The following TNRC18 variants were observed in gnomAD, a reference collection of about 807,000 sequenced individuals.
TNRC18 encodes the protein trinucleotide repeat containing 18.
A neutral mutation model predicts 226.7 loss-of-function variants in TNRC18; 69 were observed. That is an observed-to-expected ratio of 0.30 (90% CI 0.25 to 0.37). The LOEUF (loss-of-function observed/expected upper bound fraction) is 0.37. Among genes scored for constraint, TNRC18 ranks in the 10% least tolerant of loss-of-function variants. The pLI, the probability that TNRC18 is intolerant of heterozygous loss-of-function variation, is 1.00. For missense variants in TNRC18, 4,754 were observed against 4,256.6 expected, an observed-to-expected ratio of 1.12 and a Z score of -3.25; for synonymous variants, 2,449 against 1,927.6, an observed-to-expected ratio of 1.27 and a Z score of -7.09.
intron 2 of TNRC18, among the ~76,000 whole-genome samples, chr7:5,402,837 G>A (rs549847495): frequency 5.3e-5 from 8 of 150,984 alleles, no homozygotes; most frequent in South Asian, 2.1e-4. Context: ...CTCGGCGACA[G>A]AGTGAGACTC....
intron 24 of TNRC18, chr7:5,320,015 A>C (rs1788188869): frequency 2.9e-6 from 1 of 342,598 alleles, no homozygotes; most frequent in Non-Finnish European, 5.7e-6. Context: ...CTTGTGTGGG[A>C]AAACCGAGAC....
intron 16 of TNRC18, among the ~76,000 whole-genome samples, chr7:5,352,597 G>A (rs1446454142): frequency 6.6e-6 from 1 of 152,246 alleles, no homozygotes; most frequent in South Asian, 2.1e-4. Flanking sequence ...CACAGTAAGG[G>A]TGTTTACACC....
intron 11 of TNRC18, among the ~76,000 whole-genome samples, chr7:5,364,461 AAAC>A (rs1236452541): frequency 0.016 from 1,999 of 124,950 alleles, 39 homozygotes; most frequent in African/African-American, 0.03. Flanking sequence ...GTCTCAAAGA[AAAC>A]ACACACACAC....
chr7:5,378,952 G>A (rs1443026924), intron 5 of TNRC18, among the ~76,000 whole-genome samples: 1 of 151,678 alleles, frequency 6.6e-6, no homozygotes, highest in East Asian at 1.9e-4. Flanking sequence ...TGGGAGGCCG[G>A]GTGGGGGGGG....
chr7:5,316,441 G>A (rs1358673228), intron 24 of TNRC18, among the ~76,000 whole-genome samples: 3 of 151,834 alleles, frequency 2.0e-5, no homozygotes, highest in Non-Finnish European at 2.9e-5. Flanking sequence ...CACCATGCCT[G>A]GCTAATTCTG....
At chr7:5,338,946 A>G (rs970343086) in intron 18 of TNRC18, among the ~76,000 whole-genome samples, 13 of 150,682 alleles carry the variant, frequency 8.6e-5, no homozygotes, top group Non-Finnish European at 1.5e-4. Context: ...AAAAAAAAAA[A>G]AGGCATTCTG....
At chr7:5,365,716 A>T (rs1793544719) in intron 11 of TNRC18, among the ~76,000 whole-genome samples, 1 of 151,940 alleles carries the variant, frequency 6.6e-6, no homozygotes, top group Non-Finnish European at 1.5e-5. Context: ...AGCCTCCCAA[A>T]GTACTGGGAT....
intron 10 of TNRC18, among the ~76,000 whole-genome samples, chr7:5,373,193 G>A (rs1020199837): frequency 2.6e-5 from 4 of 152,084 alleles, no homozygotes; most frequent in African/African-American, 4.8e-5. Flanking sequence ...GTCCAGTGAT[G>A]CGTGCCTATG....
intron 18 of TNRC18, among the ~76,000 whole-genome samples, chr7:5,337,556 T>G (rs763595708): frequency 6.6e-6 from 1 of 151,424 alleles, no homozygotes; most frequent in Non-Finnish European, 1.5e-5. Flanking sequence ...TGAAGTTCTT[T>G]GGGCTGAAAC....
At chr7:5,329,325 A>G (rs934120121) in intron 19 of TNRC18, among the ~76,000 whole-genome samples, 1 of 151,788 alleles carries the variant, frequency 6.6e-6, no homozygotes, top group Non-Finnish European at 1.5e-5. Flanking sequence ...AAGATAGAAA[A>G]TAAAAGTAAA....
chr7:5,366,506 T>G (rs1326465622), intron 11 of TNRC18, among the ~76,000 whole-genome samples: 1 of 151,926 alleles, frequency 6.6e-6, no homozygotes, highest in Non-Finnish European at 1.5e-5. Context: ...TTATTTTTAG[T>G]AGAGATGGGG....
At chr7:5,369,950 A>G (rs1793988963) in intron 11 of TNRC18, among the ~76,000 whole-genome samples, 1 of 152,180 alleles carries the variant, frequency 6.6e-6, no homozygotes, top group East Asian at 1.9e-4. Context: ...CTTAACCACA[A>G]TTTTTTAAAA....
intron 24 of TNRC18, among the ~76,000 whole-genome samples, chr7:5,319,892 G>A: frequency 6.6e-6 from 1 of 152,200 alleles, no homozygotes. Context: ...ATAAAAGGGA[G>A]GTGACCTCAC....
intron 2 of TNRC18, chr7:5,420,784 G>T (rs1296216652): frequency 4.5e-6 from 3 of 662,496 alleles, no homozygotes; most frequent in African/African-American, 1.8e-5. Flanking sequence ...GGGCCCCGGG[G>T]ATTGGAATCG....
intron 9 of TNRC18, among the ~76,000 whole-genome samples, chr7:5,375,502 G>A (rs974074230): frequency 3.9e-5 from 6 of 152,130 alleles, no homozygotes; most frequent in Non-Finnish European, 4.4e-5. Context: ...GCCAGGCCTG[G>A]CAGAGCTAAG....
intron 16 of TNRC18, among the ~76,000 whole-genome samples, chr7:5,355,333 A>G (rs1486770311): frequency 1.3e-5 from 2 of 152,246 alleles, no homozygotes; most frequent in African/African-American, 4.8e-5. Flanking sequence ...CTCCATTTCA[A>G]GAGCTCAATA....
At chr7:5,326,275 C>T (rs988781664) in intron 19 of TNRC18, among the ~76,000 whole-genome samples, 1 of 152,086 alleles carries the variant, frequency 6.6e-6, no homozygotes, top group African/African-American at 2.4e-5. Context: ...TGGGAATTTA[C>T]CAACAGTCCT....
In TNRC18 at chr7:5,312,577, C is replaced by T. The variant is rs1479352355; in HGVS notation, c.8314G>A (p.Val2772Met). The stretch of plus-strand genomic sequence containing the variant: ...GCGGCGATCTTGGGCCGGTTCTCCA[C>T]GGACGGCAGGCGCTGCCGCTTGGCC... ...ELAKRQRLPS[V>M]ENRPKIAAFL... The change falls in exon 27 of 30, where the codon GTG becomes ATG. Residue 2772 changes from valine (V) to methionine (M), a missense_variant. Coordinates refer to ENST00000430969, the MANE Select transcript of TNRC18 (RefSeq NM_001080495.3). This position sits in a 1 kb window ranked among gnomAD's most constrained non-coding sequence, Gnocchi z 6.3. The T allele has an allele frequency of 6.2e-7, 1 of 1,611,112 alleles. No homozygotes were observed. Among genetic ancestry groups the T allele is most frequent in the Non-Finnish European group, 8.5e-7 (1 of 1,179,390 alleles).
In TNRC18 at chr7:5,371,025, G is replaced by C; in HGVS notation, c.3569C>G (p.Pro1190Arg). 6.2e-7 allele frequency: 1 copy of C among 1,609,408 alleles called. No homozygotes were observed. Among genetic ancestry groups the C allele is most frequent in the Non-Finnish European group, 8.5e-7 (1 of 1,179,708 alleles). Reference protein sequence around the residue: ...PLPAAEAMATPSPAGGCGGGL... With the variant: ...PLPAAEAMATRSPAGGCGGGL... ...ACCTCCACAACCCCCTGCAGGGCTG[G>C]GGGTAGCCATGGCTTCCGCGGCGGG... The change falls in exon 11 of 30, where the codon CCC (proline) becomes CGC (arginine). Residue 1190 changes from proline to arginine, a missense_variant. Coordinates refer to ENST00000430969, the MANE Select transcript of TNRC18 (RefSeq NM_001080495.3).
Sources: allele counts gnomAD v4.1 joint callset (sites outside exome capture counted in the v4.1 genomes callset), GRCh38; gene constraint gnomAD v4.1.1; non-coding constraint Gnocchi (gnomAD v3.1); transcripts MANE v1.5; gene names NCBI Gene and HGNC (gene_info 2026-07-23, HGNC 2026-07-21).